HTT: variants seen among roughly 807,000 people sequenced by gnomAD.
HTT encodes huntingtin, also known as huntington disease protein.
HTT carries 104 observed loss-of-function variants against 362.3 expected under a neutral mutation model. The ratio of observed to expected loss-of-function variants is 0.29; its 90% CI spans 0.24 to 0.34. The LOEUF is 0.34. HTT is among the 10% of genes least tolerant of loss of function. The pLI is 1.00. For synonymous variants in HTT, 1,577 were observed against 1,548.7 expected (o/e 1.02, Z -0.43); for missense variants, 3,301 against 3,928.6 (o/e 0.84, Z 4.27).
intron 42 of HTT, 36 bp downstream of exon 42, chr4:3,204,184 G>A (rs1719734249): frequency 6.2e-7 from 1 of 1,611,902 alleles, no homozygotes; most frequent in Non-Finnish European, 8.5e-7. Flanking sequence ...GGTTGAGGGA[G>A]GTGGGGACCA....
Position 3,238,526 on chromosome 4 carries a change from C to A in HTT, c.8971C>A (p.Gln2991Lys). 1 of 1,613,590 alleles carries A rather than the reference C, an allele frequency of 6.2e-7. No individual in the cohort carries two copies. The highest frequency in any genetic ancestry group is 8.5e-7 in the Non-Finnish European group (1 of 1,179,708). ...GTTTCTAGACGACTTCTTCCCACCC[C>A]AGGACATCATGAACAAAGTCATCGG... ...PQFLDDFFPP[Q>K]DIMNKVIGEF... Residue 2991 changes from glutamine to lysine, a missense_variant, in exon 65 of 67, where the codon CAG (glutamine) becomes AAG (lysine). Physicochemically the swap from Gln to Lys is moderately conservative, Grantham distance 53. Transcript: ENST00000355072.
intron 29 of HTT, among the ~76,000 whole-genome samples, chr4:3,169,003 A>ATTAT (rs1553916663): frequency 0.021 from 3,033 of 143,572 alleles, 87 homozygotes; most frequent in African/African-American, 0.062. Context: ...ATTTTAGGCC[A>ATTAT]TTCTTTCTTT....
chr4:3,075,996 G>A (rs1210439524), intron 1 of HTT, among the ~76,000 whole-genome samples: 1 of 152,112 alleles, frequency 6.6e-6, no homozygotes, highest in African/African-American at 2.4e-5. Flanking sequence ...AATTGCCGAG[G>A]GATGAATGAG....
intron 29 of HTT, among the ~76,000 whole-genome samples, chr4:3,170,748 G>A (rs1037773634): frequency 1.3e-5 from 2 of 152,164 alleles, no homozygotes; most frequent in African/African-American, 4.8e-5. Flanking sequence ...TTAGTCTCTC[G>A]TCTCCCAGGG....
In HTT at chr4:3,075,103, G is replaced by A; in HGVS notation, c.263+15G>A. ...CTGCACCGACCGTGAGTTTGGGCCC[G>A]CTGCAGCTCCCTGTCCCGGCGGGTC... On this transcript the variant is annotated intron_variant, in intron 1 of 66. Coordinates refer to ENST00000355072, the MANE Select transcript of HTT (RefSeq NM_001388492.1). 1 of 1,226,774 alleles carries A rather than the reference G, an allele frequency of 8.2e-7. No homozygotes were observed. Among genetic ancestry groups the A allele is most frequent in the Non-Finnish European group, 1.0e-6 (1 of 986,766 alleles). 76.0% of individuals were successfully genotyped at this position (1,226,774 alleles called of 1,614,324 possible).
chr4:3,110,837 A>G (rs1290081943), intron 6 of HTT, among the ~76,000 whole-genome samples: 7 of 152,122 alleles, frequency 4.6e-5, no homozygotes. Flanking sequence ...GTTCTGGGAA[A>G]ATTTTCTTAA....
chr4:3,229,740 A>G lies in HTT; in HGVS notation c.8110-147A>G. 1.2e-5 allele frequency: 10 copies of G among 853,742 alleles called. No individual in the cohort carries two copies. The South Asian group carries it at 1.4e-4, about 12-fold the overall frequency. The allele number at this position is 853,742 out of a possible 1,614,324, so 52.9% of individuals were successfully genotyped here. ...CCACACAGACACAGCACACGCATAC[A>G]CCACACACACACGCACACATGCGTC... On this transcript the variant is annotated intron_variant, in intron 59 of 66. Coordinates refer to ENST00000355072, the MANE Select transcript of HTT (RefSeq NM_001388492.1).
chr4:3,240,451 A>C lies in HTT; in HGVS notation c.*392A>C, dbSNP rs552220905. Reference sequence around the variant, plus strand: ...GGCCCCTCTGCTGTCCTGCAGTAGAAGGTGCCGTGAGCAGGCTTTGGGAAC... The same window carrying C: ...GGCCCCTCTGCTGTCCTGCAGTAGACGGTGCCGTGAGCAGGCTTTGGGAAC... On this transcript the variant is annotated 3_prime_UTR_variant, in exon 67 of 67. Coordinates refer to ENST00000355072, the MANE Select transcript of HTT (RefSeq NM_001388492.1). 17 of 271,458 alleles carry C rather than the reference A, an allele frequency of 6.3e-5. No individual in the cohort carries two copies. Among genetic ancestry groups the C allele is most frequent in the African/African-American group, 3.3e-4 (15 of 45,034 alleles). 16.8% of individuals were successfully genotyped at this position (271,458 alleles called of 1,614,324 possible). A position where few individuals can be genotyped will look rare whatever the true frequency, so the allele number is the denominator to read the frequency against.
In HTT at chr4:3,187,661, G is replaced by A. The variant is rs937721484; in HGVS notation, c.5000G>A (p.Ser1667Asn). ...FVTPNTMASV[S>N]TVQLWISGIL... ...TTATGTTTATTTTAGGCGTCCGTGAGCACTGTTCAACTGTGGATATCGGGA... is the reference window on the plus strand; with the variant it reads ...TTATGTTTATTTTAGGCGTCCGTGAACACTGTTCAACTGTGGATATCGGGA... The change falls in exon 39 of 67, where the codon AGC becomes AAC. Residue 1667 changes from serine (S) to asparagine (N), a missense_variant. Transcript: ENST00000355072. 4 of 1,613,080 alleles carry A rather than the reference G, an allele frequency of 2.5e-6. No individual in the cohort carries two copies. Among genetic ancestry groups the A allele is most frequent in the African/African-American group, 2.7e-5 (2 of 74,898 alleles).
chr4:3,166,677 T>C (rs1214184007), intron 29 of HTT, among the ~76,000 whole-genome samples: 2 of 152,236 alleles, frequency 1.3e-5, no homozygotes, highest in African/African-American at 2.4e-5. Context: ...AGCTCCTGCA[T>C]CCCAGGTCGA....
At chr4:3,121,470 T>G in intron 9 of HTT, 38 bp downstream of exon 9, 1 of 1,416,952 alleles carries the variant, frequency 7.1e-7, no homozygotes, top group Non-Finnish European at 1.0e-6. Flanking sequence ...CAATTAACTT[T>G]GCAGTAATAC....
chr4:3,212,612 C>T lies in HTT; in HGVS notation c.6677C>T (p.Ala2226Val), dbSNP rs1578593766. ...QSLPTLARAL[A>V]QYLVVVSKLP... The stretch of plus-strand genomic sequence containing the variant: ...CTGCCCACTCTGGCCCGGGCCCTGG[C>T]ACAGTACCTGGTGGTGGTCTCCAAA... The change falls in exon 49 of 67, where the codon GCA becomes GTA. Residue 2226 changes from alanine (A) to valine (V), a missense_variant. Physicochemically the swap from Ala to Val is moderately conservative, Grantham distance 64. Transcript: ENST00000355072. 6.2e-7 allele frequency: 1 copy of T among 1,614,220 alleles called. No homozygotes were observed. The highest frequency in any genetic ancestry group is 8.5e-7 in the Non-Finnish European group (1 of 1,180,044).
At position 3,134,547 on chromosome 4, in the gene HTT, G is replaced by A; in HGVS notation, c.2633+7G>A. The A allele has an allele frequency of 6.2e-7, 1 of 1,610,114 alleles. No individual in the cohort carries two copies. ...TTGCAGAGATTGACTTCAGGTAAGT[G>A]AGTCACATCCATTAGATTTCATGAA... On this transcript the variant is annotated splice_region_variant and intron_variant, in intron 19 of 66. Transcript: ENST00000355072.
chr4:3,232,134 G>A (rs1721282221), intron 60 of HTT, among the ~76,000 whole-genome samples: 1 of 152,306 alleles, frequency 6.6e-6, no homozygotes, highest in South Asian at 2.1e-4. Context: ...CCTTAGGGAG[G>A]GGCCGTGTGG....
Position 3,225,723 on chromosome 4 carries a change from A to G in HTT, c.7828A>G (p.Met2610Val), listed in dbSNP as rs1460151434. The G allele has an allele frequency of 6.2e-7, 1 of 1,613,954 alleles. No individual in the cohort carries two copies. Among genetic ancestry groups the G allele is most frequent in the Non-Finnish European group, 8.5e-7 (1 of 1,179,986 alleles). Reference sequence around the variant, plus strand: ...CAACCCCGAGCGGGAGCTGGGGAGCATGAGCTACAAACTCGGCCAGGTCAG... The same window carrying G: ...CAACCCCGAGCGGGAGCTGGGGAGCGTGAGCTACAAACTCGGCCAGGTCAG... Reference protein sequence around the residue: ...QINPERELGSMSYKLGQVSIH... With the variant: ...QINPERELGSVSYKLGQVSIH... Residue 2610 changes from methionine (M) to valine (V), a missense_variant, in exon 57 of 67, where the codon ATG (methionine) becomes GTG (valine). Met to Val is a conservative substitution (Grantham distance 21, BLOSUM62 1). Around this residue, in one of 4 missense-constraint regions of HTT, gnomAD observed 753 missense variants for 1,021.3 expected, o/e 0.74. Transcript: ENST00000355072.
intron 52 of HTT, 32 bp from the exon 53 acceptor site, chr4:3,220,147 ACTC>A: frequency 6.2e-7 from 1 of 1,613,348 alleles, no homozygotes; most frequent in Non-Finnish European, 8.5e-7. Context: ...TCCTGACTCA[ACTC>A]GGATGATGTC....
rs1483398671 is a variant in HTT, at chr4:3,157,076, T to C, written c.3630T>C (p.Ser1210=). 6.2e-7 allele frequency: 1 copy of C among 1,603,142 alleles called. No individual in the cohort carries two copies. Among genetic ancestry groups the C allele is most frequent in the Non-Finnish European group, 8.5e-7 (1 of 1,177,108 alleles). ...TTTGTGTGCATATTTTTAAAGCTTCTAGACAATCTGATACCTCAGGTCCTG... is the reference window on the plus strand; with the variant it reads ...TTTGTGTGCATATTTTTAAAGCTTCCAGACAATCTGATACCTCAGGTCCTG... ...PKKGSEASAA[S]RQSDTSGPVT... The change falls in exon 28 of 67, where the codon TCT becomes TCC. Residue 1210 remains serine, a synonymous_variant. Transcript: ENST00000355072.
chr4:3,138,364 A>G (rs778937482), intron 21 of HTT, among the ~76,000 whole-genome samples: 10 of 152,094 alleles, frequency 6.6e-5, no homozygotes, highest in Admixed American at 2.0e-4. Flanking sequence ...CTTGTACCCA[A>G]TATGTAGTTT....
intron 2 of HTT, among the ~76,000 whole-genome samples, chr4:3,094,660 G>A (rs1578492670): frequency 7.8e-6 from 1 of 128,252 alleles, no homozygotes; most frequent in Non-Finnish European, 1.6e-5. Context: ...GCGGGTGGCC[G>A]GGCGGGGGCT....
Sources: gnomAD v4.1 joint callset for allele counts (sites outside exome capture counted in the v4.1 genomes callset) on GRCh38, gnomAD v4.1.1 for gene constraint, gnomAD v4.1.1 regional missense constraint, MANE v1.5 for transcripts, NCBI Gene and HGNC (gene_info 2026-07-23, HGNC 2026-07-21) for gene names.